CEBPZ: variants seen among roughly 807,000 people sequenced by gnomAD.
The protein encoded by CEBPZ is CCAAT/enhancer-binding protein zeta.
A neutral mutation model predicts 104.5 loss-of-function variants in CEBPZ; 78 were observed. The observed-to-expected ratio is 0.75, with a 90% CI of 0.62 to 0.90. The LOEUF (loss-of-function observed/expected upper bound fraction) is 0.90. CEBPZ is among the 40% of genes least tolerant of loss of function. The pLI, the probability that CEBPZ is intolerant of heterozygous loss-of-function variation, is 0.00. For missense variants in CEBPZ, 1,439 were observed against 1,233.5 expected (o/e 1.17, Z -2.50); for synonymous variants, 470 against 427.0 (o/e 1.10, Z -1.24).
At chr2:37,206,875 C>A (rs1229116695) in intron 13 of CEBPZ, among the ~76,000 whole-genome samples, 1 of 152,080 alleles carries the variant, frequency 6.6e-6, no homozygotes, top group East Asian at 1.9e-4. Context: ...TACATTTGGA[C>A]CACCAACCAA....
At chr2:37,225,455 C>T (rs1397958980) in intron 2 of CEBPZ, among the ~76,000 whole-genome samples, 2 of 148,300 alleles carry the variant, frequency 1.3e-5, no homozygotes, top group African/African-American at 2.5e-5. Flanking sequence ...TTACCCCCAA[C>T]CCCGTGCTCT....
At chr2:37,215,883 A>G (rs541461222) in intron 8 of CEBPZ, among the ~76,000 whole-genome samples, 172 of 151,602 alleles carry the variant, frequency 1.1e-3, no homozygotes, top group South Asian at 9.8e-3. Flanking sequence ...GGGTGATGGT[A>G]ATGGGGAGGG....
intron 12 of CEBPZ, chr2:37,211,560 A>G: frequency 3.0e-6 from 1 of 333,114 alleles, no homozygotes; most frequent in Non-Finnish European, 5.4e-6. Flanking sequence ...TTACTATCAA[A>G]AAATGGCAGC....
Position 37,203,008 on chromosome 2 carries a change from C to A in CEBPZ, c.2885G>T (p.Gly962Val). Reference protein sequence around the residue: ...DDFDFAGSFQGPRKKKRNLND... With the variant: ...DDFDFAGSFQVPRKKKRNLND... ...TAAGTTTCTTTTCTTTTTTCTTGGCCCTAAAAAAAATTGTAAGTCTACATT... is the reference window on the plus strand; with the variant it reads ...TAAGTTTCTTTTCTTTTTTCTTGGCACTAAAAAAAATTGTAAGTCTACATT... The change falls in exon 14 of 16, where the codon GGG becomes GTG. Residue 962 changes from glycine to valine, a missense_variant and splice_region_variant. Gly to Val is a moderately radical substitution (Grantham distance 109). Coordinates refer to ENST00000234170, the MANE Select transcript of CEBPZ (RefSeq NM_005760.3). 3 of 1,531,144 alleles carry A rather than the reference C, an allele frequency of 2.0e-6. No individual in the cohort carries two copies. Among genetic ancestry groups the A allele is most frequent in the Non-Finnish European group, 1.8e-6 (2 of 1,142,050 alleles). 94.8% of individuals were successfully genotyped at this position (1,531,144 alleles called of 1,614,324 possible). A position where few individuals can be genotyped will look rare whatever the true frequency, so the allele number is the denominator to read the frequency against.
chr2:37,212,101 T>G, intron 11 of CEBPZ, 62 bp from the exon 12 acceptor site: 1 of 1,401,256 alleles, frequency 7.1e-7, no homozygotes, highest in East Asian at 2.3e-5. Context: ...AGTGTTTTGC[T>G]GACTACTAGG....
Position 37,217,014 on chromosome 2 carries a change from G to A in CEBPZ, c.2178C>T (p.Ser726=), listed in dbSNP as rs753113826. 75 of 1,612,804 alleles carry A rather than the reference G, an allele frequency of 4.7e-5. No homozygotes were observed. Among genetic ancestry groups the A allele is most frequent in the Middle Eastern group, 1.6e-4 (1 of 6,082 alleles). Reference sequence around the variant, plus strand: ...GGATGGTCTTTGCAAAAAGGGCCACGGAGGGATGAAAATGCACAGATAACT... The same window carrying A: ...GGATGGTCTTTGCAAAAAGGGCCACAGAGGGATGAAAATGCACAGATAACT... ...LKKLSVHFHP[S]VALFAKTILQ... is the part of the protein sequence containing the mutation. The change falls in exon 6 of 16, where the codon TCC becomes TCT. Residue 726 remains serine, a synonymous_variant. Coordinates refer to ENST00000234170, the MANE Select transcript of CEBPZ (RefSeq NM_005760.3).
rs201959156 is a variant in CEBPZ, at chr2:37,210,965, C to G, written c.2884+34G>C. The G allele has an allele frequency of 4.0e-6, 6 of 1,489,030 alleles. No individual in the cohort carries two copies. In the Admixed American group the frequency reaches 5.5e-5, roughly 14 times the overall value. 92.2% of individuals were successfully genotyped at this position (1,489,030 alleles called of 1,614,324 possible). ...GATAATGACACCTTTCACATGGACA[C>G]TGCTTTTAAAAGATATTAAATGTAT... On this transcript the variant is annotated intron_variant, in intron 13 of 15. Transcript: ENST00000234170.
chr2:37,225,352 G>T (rs1317083740), intron 2 of CEBPZ, among the ~76,000 whole-genome samples: 1 of 151,998 alleles, frequency 6.6e-6, no homozygotes, highest in African/African-American at 2.4e-5. Flanking sequence ...GATTGTTACT[G>T]TGTCTGTGTA....
intron 10 of CEBPZ, chr2:37,212,693 T>A: frequency 2.5e-6 from 1 of 406,912 alleles, no homozygotes; most frequent in Non-Finnish European, 4.4e-6. Context: ...TCGTCCTTTT[T>A]ACTCTATTAG....
rs556484723 is a variant in CEBPZ, at chr2:37,202,030, A to G, written c.3026-127T>C. ...GCCTGTGGTTTCCCACCCACTATACAAACCCACTGCTTGTTTGTTGCTTTT... is the reference window on the plus strand; with the variant it reads ...GCCTGTGGTTTCCCACCCACTATACGAACCCACTGCTTGTTTGTTGCTTTT... On this transcript the variant is annotated intron_variant, in intron 15 of 15. Coordinates refer to ENST00000234170, the MANE Select transcript of CEBPZ (RefSeq NM_005760.3). The G allele has an allele frequency of 7.4e-5, 47 of 638,664 alleles. 1 individual carries two copies. The South Asian group carries it at 1.5e-3, about 20-fold the overall frequency. The allele number at this position is 638,664 out of a possible 1,614,324, so 39.6% of individuals were successfully genotyped here.
chr2:37,223,867 A>C (rs1664824171), intron 2 of CEBPZ, among the ~76,000 whole-genome samples: 2 of 152,242 alleles, frequency 1.3e-5, no homozygotes, highest in Admixed American at 6.5e-5. Flanking sequence ...ATCGATGAAC[A>C]GCAGAAAATT....
rs1489820228 is a variant in CEBPZ, at chr2:37,201,877, C to T, written c.3052G>A (p.Glu1018Lys). 1 of 1,613,722 alleles carries T rather than the reference C, an allele frequency of 6.2e-7. No individual in the cohort carries two copies. The highest frequency in any genetic ancestry group is 2.2e-5 in the East Asian group (1 of 44,838). Residue 1018 changes from glutamate (E) to lysine (K), a missense_variant, in exon 16 of 16, where the codon GAA (glutamate) becomes AAA (lysine). Physicochemically the swap from Glu to Lys is moderately conservative, Grantham distance 56 (BLOSUM62 1). Coordinates refer to ENST00000234170, the MANE Select transcript of CEBPZ (RefSeq NM_005760.3). ...CTGTTGTGTAGCCAGTCATCACGTT[C>T]AGCCTCCCATCTAAGCTGTTTGAGA... ...ASLKQLRWEA[E>K]RDDWLHNRDA...
chr2:37,210,803 G>C (rs541350046), intron 13 of CEBPZ, 196 bp downstream of exon 13: 2 of 471,098 alleles, frequency 4.2e-6, no homozygotes, highest in African/African-American at 4.0e-5. Flanking sequence ...TGAATGAAAA[G>C]ATGATCCAGA....
rs766302236 is a variant in CEBPZ, at chr2:37,203,007, C to T, written c.2886G>A (p.Gly962=). 1.3e-5 allele frequency: 20 copies of T among 1,535,756 alleles called. No individual in the cohort carries two copies. In the African/African-American group the frequency reaches 1.4e-4, roughly 11 times the overall value. ...TTAAGTTTCTTTTCTTTTTTCTTGG[C>T]CCTAAAAAAAATTGTAAGTCTACAT... The part of the protein sequence containing the change: ...DDFDFAGSFQ[G]PRKKKRNLND... The change falls in exon 14 of 16, where the codon GGG becomes GGA. Residue 962 remains glycine (G), a splice_region_variant and synonymous_variant. Transcript: ENST00000234170.
At chr2:37,221,204 T>C (rs1664764667) in intron 4 of CEBPZ, among the ~76,000 whole-genome samples, 1 of 152,026 alleles carries the variant, frequency 6.6e-6, no homozygotes, top group African/African-American at 2.4e-5. Flanking sequence ...TAGTCCCGGC[T>C]ACCTGGGAGG....
intron 5 of CEBPZ, 117 bp from the exon 6 acceptor site, chr2:37,217,154 T>G: frequency 1.3e-6 from 1 of 783,626 alleles, no homozygotes; most frequent in South Asian, 1.6e-5. Context: ...TTCCAGCACT[T>G]TGGGAGGCTC....
intron 13 of CEBPZ, among the ~76,000 whole-genome samples, chr2:37,206,718 T>G (rs1677551842): frequency 6.6e-6 from 1 of 152,170 alleles, no homozygotes; most frequent in Non-Finnish European, 1.5e-5. Context: ...TCTTAAAACC[T>G]AAATCTTACA....
chr2:37,213,589 T>G, intron 10 of CEBPZ: 1 of 244,238 alleles, frequency 4.1e-6, no homozygotes. Context: ...TTTTTTGGGG[T>G]TTTTAGTAGA....
Position 37,228,501 on chromosome 2 carries a change from GAGGCT to G in CEBPZ, c.687_691del (p.Ala230PhefsTer15). 1.9e-6 allele frequency: 3 copies of G among 1,614,202 alleles called. No homozygotes were observed. The highest frequency in any genetic ancestry group is 2.5e-6 in the Non-Finnish European group (3 of 1,180,038). On this transcript the variant is annotated frameshift_variant, in exon 2 of 16. Transcript: ENST00000234170. LOFTEE classifies it high-confidence loss of function. ...CACAATTGCCTTCATCCAGGTAGAA[GAGGCT>G]CCCTTTTGACTATTCGTCTTACTTT... is the stretch of plus-strand genomic sequence containing the variant.
Sources: allele counts gnomAD v4.1 joint callset (sites outside exome capture counted in the v4.1 genomes callset), GRCh38; gene constraint gnomAD v4.1.1; transcripts MANE v1.5; gene names NCBI Gene and HGNC (gene_info 2026-07-23, HGNC 2026-07-21).